The following ATP2B3 variants were observed in gnomAD, a reference collection of about 807,000 sequenced individuals.
ATP2B3 encodes plasma membrane calcium-transporting ATPase 3.
In ATP2B3, 12 loss-of-function variants were observed where a neutral mutation model predicts 70.8. The observed-to-expected ratio is 0.17, with a 90% CI of 0.11 to 0.27. The LOEUF (loss-of-function observed/expected upper bound fraction) is 0.27. Ranked by LOEUF, ATP2B3 falls within the 10% of genes least tolerant of loss-of-function variation. The pLI is 1.00. For missense variants in ATP2B3, 858 were observed against 1,118.5 expected, an observed-to-expected ratio of 0.77 and a Z score of 3.32; for synonymous variants, 460 against 497.8, an observed-to-expected ratio of 0.92 and a Z score of 1.01.
intron 21 of ATP2B3, 71 bp from the exon 22 acceptor site, chrX:153,579,907 C>G: frequency 1.0e-6 from 1 of 983,801 alleles, no homozygotes; most frequent in East Asian, 3.1e-5. Context: ...TTCCACGTTT[C>G]CTTTCCTTTC....
At position 153,536,220 on chromosome X, in the gene ATP2B3, G is replaced by T. The variant is rs1328943188; in HGVS notation, c.-28G>T. The T allele has an allele frequency of 1.7e-6, 2 of 1,172,484 alleles. No homozygotes were observed. Among genetic ancestry groups the T allele is most frequent in the African/African-American group, 3.5e-5 (2 of 56,590 alleles). ...CCCTAGCTGTGGCTGAGCCAAGATT[G>T]CACTTGTGAGAAGGCCTGACAGGCA... On this transcript the variant is annotated 5_prime_UTR_variant, in exon 3 of 22. Coordinates refer to ENST00000263519, the MANE Select transcript of ATP2B3 (RefSeq NM_001001344.3).
rs782393648 is a variant in ATP2B3, at chrX:153,553,186, C to A, written c.1975C>A (p.Pro659Thr). The change falls in exon 13 of 22, where the codon CCC becomes ACC. Residue 659 changes from proline to threonine, a missense_variant. Pro to Thr is a conservative substitution (Grantham distance 38). This residue lies in a region of ATP2B3 where 242 missense variants were observed against 281.3 expected (regional missense o/e 0.86). Transcript: ENST00000263519. ...AYRDFSAGQE[P>T]DWDNENEVVG... ...CCGGGACTTCTCTGCAGGCCAGGAG[C>A]CCGACTGGGACAACGAGAATGAGGT... The A allele has an allele frequency of 2.7e-5, 33 of 1,210,027 alleles. No individual in the cohort carries two copies. The highest frequency in any genetic ancestry group is 3.2e-5 in the Non-Finnish European group (29 of 895,162).
intron 21 of ATP2B3, chrX:153,569,389 C>G: frequency 1.9e-6 from 1 of 530,714 alleles, no homozygotes; most frequent in Non-Finnish European, 3.4e-6. Flanking sequence ...TAACCATCTG[C>G]TCAGCAAACC....
At chrX:153,539,083 G>A (rs189479535) in intron 3 of ATP2B3, among the ~76,000 whole-genome samples, 112 of 112,665 alleles carry the variant, frequency 9.9e-4, no homozygotes, top group Middle Eastern at 4.6e-3. Context: ...GAAGCCCCAC[G>A]GTTAGCACGT....
intron 21 of ATP2B3, among the ~76,000 whole-genome samples, chrX:153,574,349 A>G (rs981703400): frequency 2.3e-4 from 26 of 112,350 alleles, no homozygotes; most frequent in African/African-American, 8.4e-4. Flanking sequence ...CAAAGCTCAG[A>G]TGCCTGGGGA....
chrX:153,549,363 G>C (rs2090421626), intron 10 of ATP2B3, 134 bp from the exon 11 acceptor site: 1 of 1,129,025 alleles, frequency 8.9e-7, no homozygotes, highest in Admixed American at 2.3e-5. Context: ...GGCTGACCAG[G>C]TGCCCAGTGG....
intron 20 of ATP2B3, among the ~76,000 whole-genome samples, chrX:153,562,752 C>G (rs782249718): frequency 8.9e-6 from 1 of 112,243 alleles, no homozygotes; most frequent in Non-Finnish European, 1.9e-5. Context: ...ATTTAGGATC[C>G]GCTTATCTCT....
At chrX:153,553,693 G>A (rs2090492709) in intron 13 of ATP2B3, among the ~76,000 whole-genome samples, 1 of 112,673 alleles carries the variant, frequency 8.9e-6, no homozygotes, top group African/African-American at 3.2e-5. Flanking sequence ...CACAGCAAAG[G>A]TCCTGGCGGG....
intron 20 of ATP2B3, among the ~76,000 whole-genome samples, chrX:153,564,179 C>T (rs2090667341): frequency 8.8e-6 from 1 of 113,045 alleles, no homozygotes; most frequent in Admixed American, 9.2e-5. Flanking sequence ...CAGGAGATGC[C>T]CTCTCCAGGA....
In ATP2B3 at chrX:153,575,507, G is replaced by A. The variant is rs782026438; in HGVS notation, c.3343-4471G>A. On this transcript the variant is annotated intron_variant, in intron 21 of 21. Coordinates refer to ENST00000263519, the MANE Select transcript of ATP2B3 (RefSeq NM_001001344.3). ...AGTGAGAAAGACTGGGGCCGGCTCCGAGGGCCACAGCCAGTGGAGGGCTTG... is the reference window on the plus strand; with the variant it reads ...AGTGAGAAAGACTGGGGCCGGCTCCAAGGGCCACAGCCAGTGGAGGGCTTG... Among the ~76,000 whole-genome samples the A allele has an allele frequency of 6.2e-5, 7 of 112,352 alleles. No homozygotes were observed. In the East Asian group the frequency reaches 2.0e-3, roughly 32 times the overall value.
At chrX:153,536,488 C>T in intron 3 of ATP2B3, 33 bp downstream of exon 3, 1 of 1,170,071 alleles carries the variant, frequency 8.5e-7, no homozygotes, top group Non-Finnish European at 1.1e-6. Flanking sequence ...GCCACCCAGC[C>T]CTGCTCCCAG....
chrX:153,547,345 G>A (rs782240888), intron 8 of ATP2B3, among the ~76,000 whole-genome samples: 145 of 111,198 alleles, frequency 1.3e-3, no homozygotes, highest in Non-Finnish European at 1.8e-3. Context: ...GAGGCAGGGA[G>A]GGTGCTGGAG....
Position 153,543,199 on chromosome X carries a change from C to T in ATP2B3, c.916+31C>T, listed in dbSNP as rs782817124. On this transcript the variant is annotated intron_variant, in intron 7 of 21. Transcript: ENST00000263519. Reference sequence around the variant, plus strand: ...GCAGCAGTGCCGCCAGTCCCTGGTGCTGGTGGCGGCTCCTTCCACGCTGCC... The same window carrying T: ...GCAGCAGTGCCGCCAGTCCCTGGTGTTGGTGGCGGCTCCTTCCACGCTGCC... 7.1e-5 allele frequency: 85 copies of T among 1,188,987 alleles called. No homozygotes were observed. In the South Asian group the frequency reaches 1.5e-3, roughly 21 times the overall value.
chrX:153,564,721 C>T (rs1016008461), intron 20 of ATP2B3, among the ~76,000 whole-genome samples, 200 bp from the exon 21 acceptor site: 6 of 113,500 alleles, frequency 5.3e-5, no homozygotes, highest in Admixed American at 4.6e-4. Flanking sequence ...CTCAGCCCCC[C>T]GGGGGAACAC....
At chrX:153,538,609 G>A (rs782322855) in intron 3 of ATP2B3, among the ~76,000 whole-genome samples, 13 of 113,020 alleles carry the variant, frequency 1.2e-4, no homozygotes, top group Middle Eastern at 4.6e-3. Flanking sequence ...GAGCCGACAC[G>A]AGATGCTCCT....
intron 20 of ATP2B3, among the ~76,000 whole-genome samples, chrX:153,564,195 T>G (rs781804055): frequency 6.5e-4 from 74 of 113,150 alleles, no homozygotes; most frequent in African/African-American, 2.4e-3. Flanking sequence ...CAGGAGAGAC[T>G]AGGCCAGAGC....
chrX:153,525,627 C>CCTGGCTCCT (rs2090020577), intron 2 of ATP2B3, among the ~76,000 whole-genome samples: 1 of 112,497 alleles, frequency 8.9e-6, no homozygotes, highest in Non-Finnish European at 1.9e-5. Context: ...AGCAGCTGGT[C>CCTGGCTCCT]CTGGCTCCTC....
chrX:153,527,803 G>A (rs2090057182), intron 2 of ATP2B3, among the ~76,000 whole-genome samples: 1 of 112,822 alleles, frequency 8.9e-6, no homozygotes, highest in Non-Finnish European at 1.9e-5. Flanking sequence ...CTGGGGTCCA[G>A]CTGGAGTCCA....
rs150508362 is a variant in ATP2B3, at chrX:153,560,690, G to A, written c.2854G>A (p.Asp952Asn). Reference protein sequence around the residue: ...TLLFVGELFFDIDSGRNAPLH... With the variant: ...TLLFVGELFFNIDSGRNAPLH... ...TTGCTTTCCAGGGGAGCTCTTCTTC[G>A]ACATCGACAGCGGGAGGAATGCGCC... Residue 952 changes from aspartate to asparagine, a missense_variant, in exon 19 of 22, where the codon GAC (aspartate) becomes AAC (asparagine). Coordinates refer to ENST00000263519, the MANE Select transcript of ATP2B3 (RefSeq NM_001001344.3). 7 of 1,211,846 alleles carry A rather than the reference G, an allele frequency of 5.8e-6. No individual in the cohort carries two copies. The highest frequency in any genetic ancestry group is 5.2e-5 in the African/African-American group (3 of 57,814).
Sources: allele counts gnomAD v4.1 joint callset (sites outside exome capture counted in the v4.1 genomes callset), GRCh38; gene constraint gnomAD v4.1.1; regional missense constraint gnomAD v4.1.1; transcripts MANE v1.5; gene names NCBI Gene and HGNC (gene_info 2026-07-23, HGNC 2026-07-21).